Variants in PHF20 observed in about 807,000 individuals in gnomAD.
PHF20 encodes PHD finger protein 20, also known as glioma-expressed antigen 2.
A neutral mutation model predicts 113.5 loss-of-function variants in PHF20; 23 were observed. That is an observed-to-expected ratio of 0.20 (90% CI 0.15 to 0.29). PHF20 has a LOEUF of 0.29. Ranked by LOEUF, PHF20 falls within the 10% of genes least tolerant of loss-of-function variation. The pLI is 1.00. For missense variants in PHF20, 943 were observed against 1,219.6 expected (o/e 0.77, Z 3.38); for synonymous variants, 434 against 457.3 (o/e 0.95, Z 0.65).
At chr20:35,801,675 A>G (rs1430204764) in intron 2 of PHF20, 70 bp downstream of exon 2, 5 of 942,326 alleles carry the variant, frequency 5.3e-6, no homozygotes, top group Non-Finnish European at 8.4e-6. Flanking sequence ...ATAGAGTGGT[A>G]GCTTAGGCTT....
chr20:35,793,995 C>CAAAAAGAAAA (rs2041614548), intron 1 of PHF20, among the ~76,000 whole-genome samples: 1 of 33,836 alleles, frequency 3.0e-5, no homozygotes, highest in Non-Finnish European at 5.5e-5. Flanking sequence ...GACTCTGTCT[C>CAAAAAGAAAA]AAAAAAAAAA....
intron 2 of PHF20, among the ~76,000 whole-genome samples, chr20:35,813,514 C>T (rs577042067): frequency 4.6e-5 from 7 of 152,092 alleles, no homozygotes; most frequent in Middle Eastern, 3.2e-3. Flanking sequence ...AGACCCTGGA[C>T]GCAGCTGGTT....
intron 4 of PHF20, chr20:35,850,930 T>C (rs1335575629): frequency 5.0e-6 from 3 of 596,094 alleles, no homozygotes; most frequent in East Asian, 3.8e-5. Flanking sequence ...AAGGTGAAGA[T>C]AGAACTGCAG....
In PHF20 at chr20:35,899,373, C is replaced by A; in HGVS notation, c.1286C>A (p.Thr429Lys). The change falls in exon 10 of 18, where the codon ACA (threonine) becomes AAA (lysine). Residue 429 changes from threonine to lysine, a missense_variant. Thr to Lys is a moderately conservative substitution (Grantham distance 78, BLOSUM62 -1). Around this residue, in one of 3 missense-constraint regions of PHF20, gnomAD observed 592 missense variants for 787.2 expected, o/e 0.75. Coordinates refer to ENST00000374012, the MANE Select transcript of PHF20 (RefSeq NM_016436.5). ...CTTTTGTTTTTATTTTTTTCAGTAA[C>A]AAATACTTTTAAGAAAACAGATGAT... is the stretch of plus-strand genomic sequence containing the variant. ...ELQEISTVEVTNTFKKTDDFG... is the reference protein window; with the variant it reads ...ELQEISTVEVKNTFKKTDDFG... 6.2e-7 allele frequency: 1 copy of A among 1,600,178 alleles called. No individual in the cohort carries two copies. Among genetic ancestry groups the A allele is most frequent in the Non-Finnish European group, 8.5e-7 (1 of 1,172,280 alleles).
chr20:35,789,259 C>A (rs112837782), intron 1 of PHF20, among the ~76,000 whole-genome samples: 7,267 of 151,786 alleles, frequency 0.048, 215 homozygotes, highest in African/African-American at 0.089. Flanking sequence ...GAGACTAGCC[C>A]GTCTCTAGTA....
chr20:35,854,534 A>AT (rs2042794988), intron 4 of PHF20, among the ~76,000 whole-genome samples: 4 of 152,334 alleles, frequency 2.6e-5, no homozygotes, highest in Admixed American at 2.6e-4. Flanking sequence ...TCTGAGTAAA[A>AT]TGTGGGCCTC....
At chr20:35,869,385 C>T in intron 6 of PHF20, 53 bp from the exon 7 acceptor site, 1 of 867,530 alleles carries the variant, frequency 1.2e-6, no homozygotes, top group Admixed American at 2.4e-5. Flanking sequence ...ATAAAAATGA[C>T]AGACACTAAG....
intron 15 of PHF20, among the ~76,000 whole-genome samples, chr20:35,937,510 A>G (rs1438419187): frequency 6.6e-6 from 1 of 152,104 alleles, no homozygotes; most frequent in Non-Finnish European, 1.5e-5. Context: ...GTCTGGGTTA[A>G]AATAAGGGGT....
chr20:35,832,176 T>C (rs1376727674), intron 2 of PHF20, among the ~76,000 whole-genome samples: 1 of 152,184 alleles, frequency 6.6e-6, no homozygotes, highest in African/African-American at 2.4e-5. Flanking sequence ...AGCTGGAAAA[T>C]GCCTACTCAT....
Position 35,783,574 on chromosome 20 carries a change from G to A in PHF20, c.-33+11495G>A, listed in dbSNP as rs543316484. On this transcript the variant is annotated intron_variant, in intron 1 of 17. Transcript: ENST00000374012. Reference sequence around the variant, plus strand: ...TGGGACTACAGGTGTATGCCACCGCGCTTGGCTAATTTTTTTTTTTTTTTT... The same window carrying A: ...TGGGACTACAGGTGTATGCCACCGCACTTGGCTAATTTTTTTTTTTTTTTT... Among the ~76,000 whole-genome samples the A allele has an allele frequency of 5.8e-3, 873 of 151,340 alleles. 5 individuals carry two copies. The highest frequency in any genetic ancestry group is 0.024 in the Middle Eastern group (7 of 290).
chr20:35,932,568 A>T (rs2055780911), intron 15 of PHF20, among the ~76,000 whole-genome samples: 1 of 149,652 alleles, frequency 6.7e-6, no homozygotes, highest in Non-Finnish European at 1.5e-5. Flanking sequence ...GTAGCTGGGA[A>T]TACAGGCGCA....
At chr20:35,837,019 A>G (rs2042454546) in intron 2 of PHF20, among the ~76,000 whole-genome samples, 1 of 151,224 alleles carries the variant, frequency 6.6e-6, no homozygotes, top group Non-Finnish European at 1.5e-5. Context: ...AAAATACCAA[A>G]AAAGTATCTT....
chr20:35,897,637 G>C (rs1180146741), intron 9 of PHF20, among the ~76,000 whole-genome samples: 1 of 145,910 alleles, frequency 6.9e-6, no homozygotes, highest in Non-Finnish European at 1.5e-5. Flanking sequence ...TGCGATCTCG[G>C]CTCACTGCAA....
intron 9 of PHF20, among the ~76,000 whole-genome samples, chr20:35,882,096 G>A (rs1006580904): frequency 1.3e-5 from 2 of 152,184 alleles, no homozygotes; most frequent in Admixed American, 6.5e-5. Flanking sequence ...CTTTTTAAAT[G>A]TGTTCATTGC....
chr20:35,862,926 G>C, intron 5 of PHF20, 87 bp from the exon 6 acceptor site: 1 of 1,333,154 alleles, frequency 7.5e-7, no homozygotes, highest in Non-Finnish European at 1.0e-6. Flanking sequence ...TAATTTCTTT[G>C]TTTGTCTTCA....
chr20:35,795,898 T>C (rs2146855527), intron 1 of PHF20, among the ~76,000 whole-genome samples: 1 of 152,324 alleles, frequency 6.6e-6, no homozygotes, highest in Non-Finnish European at 1.5e-5. Context: ...TCGCCCAGGC[T>C]GGAGTGCAGT....
At chr20:35,788,855 G>T (rs1035357432) in intron 1 of PHF20, among the ~76,000 whole-genome samples, 4 of 152,210 alleles carry the variant, frequency 2.6e-5, no homozygotes, top group African/African-American at 9.6e-5. Flanking sequence ...GATTACTGGC[G>T]TGAGCCACCA....
chr20:35,871,079 G>C lies in PHF20; in HGVS notation c.1047G>C (p.Leu349Phe). The C allele has an allele frequency of 1.2e-6, 2 of 1,613,136 alleles. No individual in the cohort carries two copies. Among genetic ancestry groups the C allele is most frequent in the Non-Finnish European group, 1.7e-6 (2 of 1,179,760 alleles). ...ATCCTGACTTGGTTGTATCAGATTT[G>C]GTTGATACGGATCCTTTGCAAGACA... ...ILDPDLVVSDLVDTDPLQDTL... is the reference protein window; with the variant it reads ...ILDPDLVVSDFVDTDPLQDTL... Residue 349 changes from leucine (L) to phenylalanine (F), a missense_variant, in exon 8 of 18, where the codon TTG (leucine) becomes TTC (phenylalanine). Physicochemically the swap from Leu to Phe is conservative, Grantham distance 22. This residue lies in a region of PHF20 where 592 missense variants were observed against 787.2 expected (regional missense o/e 0.75). Transcript: ENST00000374012.
At chr20:35,844,693 A>G (rs944084795) in intron 3 of PHF20, among the ~76,000 whole-genome samples, 2 of 152,014 alleles carry the variant, frequency 1.3e-5, no homozygotes, top group Non-Finnish European at 2.9e-5. Context: ...TAAAATAATG[A>G]TATTTTAAGA....
Sources: allele counts gnomAD v4.1 joint callset (sites outside exome capture counted in the v4.1 genomes callset), GRCh38; gene constraint gnomAD v4.1.1; regional missense constraint gnomAD v4.1.1; transcripts MANE v1.5; gene names NCBI Gene and HGNC (gene_info 2026-07-23, HGNC 2026-07-21).